The following SLC35A3 variants were observed in gnomAD, a reference collection of about 807,000 sequenced individuals.
SLC35A3 encodes solute carrier family 35 member A3.
In SLC35A3, 26 loss-of-function variants were observed where a neutral mutation model predicts 39.0. The ratio of observed to expected loss-of-function variants is 0.67; its 90% confidence interval spans 0.49 to 0.92. The LOEUF is 0.92. SLC35A3 is among the 40% of genes least tolerant of loss of function. SLC35A3 has a pLI of 0.00. For synonymous variants in SLC35A3, 135 were observed against 133.1 expected, an observed-to-expected ratio of 1.01 and a Z score of -0.10; for missense variants, 299 against 371.6, an observed-to-expected ratio of 0.80 and a Z score of 1.61.
intron 1 of SLC35A3, chr1:99,992,958 G>A (rs532693349): frequency 6.6e-6 from 1 of 152,552 alleles, no homozygotes; most frequent in African/African-American, 2.4e-5. Context: ...CTAGTGGGAG[G>A]GGGAAGGGCC....
intron 4 of SLC35A3, chr1:100,008,716 C>T (rs1659411515): frequency 6.6e-6 from 1 of 152,326 alleles, no homozygotes; most frequent in Admixed American, 6.5e-5. Flanking sequence ...TAAAGTCTGC[C>T]TCTACCAGAA....
At chr1:99,989,241 TCA>T (rs1286952107) in intron 1 of SLC35A3, among the ~76,000 whole-genome samples, 7 of 152,204 alleles carry the variant, frequency 4.6e-5, no homozygotes, top group Non-Finnish European at 8.8e-5. Context: ...TGCCTATTAG[TCA>T]CTCATTTGTC....
chr1:99,995,108 C>CTTTCTTTCTTTA (rs769834567), intron 2 of SLC35A3, among the ~76,000 whole-genome samples: 4 of 37,746 alleles, frequency 1.1e-4, no homozygotes, highest in Non-Finnish European at 2.5e-4. Flanking sequence ...TGTGTATTTT[C>CTTTCTTTCTTTA]TTTCTTTCTT....
chr1:99,970,567 G>A (rs1443172249), intron 1 of SLC35A3: 1 of 1,536,052 alleles, frequency 6.5e-7, no homozygotes, highest in Non-Finnish European at 8.7e-7. Flanking sequence ...GAGCCCTGTG[G>A]TAGGCACAGA....
chr1:100,006,979 A>G lies in SLC35A3; in HGVS notation c.343-55A>G. 5.2e-6 allele frequency: 8 copies of G among 1,530,000 alleles called. No homozygotes were observed. In the South Asian group the frequency reaches 9.9e-5, roughly 19 times the overall value. The allele number at this position is 1,530,000 out of a possible 1,614,324, so 94.8% of individuals were successfully genotyped here. A position where few individuals can be genotyped will look rare whatever the true frequency, so the allele number is the denominator to read the frequency against. On this transcript the variant is annotated intron_variant, in intron 3 of 7. Coordinates refer to ENST00000533028, the MANE Select transcript of SLC35A3 (RefSeq NM_012243.3). Reference sequence around the variant, plus strand: ...AAATACATTTCTAATAGTACTCTTAAGGAACAAACAAACAAACAAACGAAC... The same window carrying G: ...AAATACATTTCTAATAGTACTCTTAGGGAACAAACAAACAAACAAACGAAC...
Position 100,033,435 on chromosome 1 carries a change from A to T in SLC35A3, c.*10959A>T, listed in dbSNP as rs1293029665. 6.6e-6 allele frequency: 1 copy of T among 152,110 alleles called. No individual in the cohort carries two copies. Among genetic ancestry groups the T allele is most frequent in the Admixed American group, 6.5e-5 (1 of 15,278 alleles). The allele number at this position is 152,110 out of a possible 1,614,324, so 9.4% of individuals were successfully genotyped here. ...TCCATCTCTTATAAGTAATTATTAT[A>T]AGTATTTTCTTAGTTTTCCAATTTA... On this transcript the variant is annotated 3_prime_UTR_variant, in exon 8 of 8. Transcript: ENST00000533028.
At position 100,022,369 on chromosome 1, in the gene SLC35A3, G is replaced by T; in HGVS notation, c.888-17G>T. The T allele has an allele frequency of 2.3e-6, 3 of 1,323,992 alleles. No individual in the cohort carries two copies. The highest frequency in any genetic ancestry group is 1.9e-5 in the Admixed American group (1 of 53,234). The allele number at this position is 1,323,992 out of a possible 1,614,324, so 82.0% of individuals were successfully genotyped here. On this transcript the variant is annotated splice_polypyrimidine_tract_variant and intron_variant, in intron 7 of 7. Coordinates refer to ENST00000533028, the MANE Select transcript of SLC35A3 (RefSeq NM_012243.3). ...AATCTGATTTTCTCTTTTTTATTTTGTCTTCATCTTATTCAGTGTCTTTTT... is the reference window on the plus strand; with the variant it reads ...AATCTGATTTTCTCTTTTTTATTTTTTCTTCATCTTATTCAGTGTCTTTTT...
intron 1 of SLC35A3, among the ~76,000 whole-genome samples, chr1:99,991,305 C>T (rs977355084): frequency 7.2e-5 from 11 of 152,092 alleles, no homozygotes; most frequent in South Asian, 4.1e-4. Context: ...CCACCATGCC[C>T]GGCTAATTTT....
chr1:100,024,984 T>C lies in SLC35A3; in HGVS notation c.*2508T>C. The C allele has an allele frequency of 3.3e-6, 1 of 302,816 alleles. No homozygotes were observed. The highest frequency in any genetic ancestry group is 6.0e-6 in the Non-Finnish European group (1 of 167,318). 18.8% of individuals were successfully genotyped at this position (302,816 alleles called of 1,614,324 possible). ...AATAGTCTACAGATTGCAGGTCTCA[T>C]CAATTCCATCCAAAGTTTAAAAGCA... On this transcript the variant is annotated 3_prime_UTR_variant, in exon 8 of 8. Coordinates refer to ENST00000533028, the MANE Select transcript of SLC35A3 (RefSeq NM_012243.3).
In SLC35A3 at chr1:100,022,450, C is replaced by A; in HGVS notation, c.952C>A (p.Pro318Thr). Residue 318 changes from proline to threonine, a missense_variant, in exon 8 of 8, where the codon CCT becomes ACT. Transcript: ENST00000533028. The stretch of plus-strand genomic sequence containing the variant: ...TTTTTTGTATGGTTATGATCCCAAA[C>A]CTGCAGGAAATCCCACTAAAGCATA... ...ATFLYGYDPK[P>T]AGNPTKA 6.2e-7 allele frequency: 1 copy of A among 1,603,324 alleles called. No homozygotes were observed. Among genetic ancestry groups the A allele is most frequent in the South Asian group, 1.1e-5 (1 of 90,240 alleles).
chr1:100,005,398 A>G (rs1407419488), intron 3 of SLC35A3, among the ~76,000 whole-genome samples: 3 of 152,238 alleles, frequency 2.0e-5, no homozygotes, highest in African/African-American at 7.2e-5. Context: ...GTTTTTCCCC[A>G]CAACTAACAT....
At chr1:99,974,104 T>C (rs1656973329) in intron 1 of SLC35A3, among the ~76,000 whole-genome samples, 1 of 151,910 alleles carries the variant, frequency 6.6e-6, no homozygotes, top group Non-Finnish European at 1.5e-5. Flanking sequence ...AGTATCTACA[T>C]AGGACTTTAT....
rs1557853327 is a variant in SLC35A3 at position 100,026,325 on chromosome 1, T to C, written c.*3849T>C. 1.3e-5 allele frequency: 2 copies of C among 152,254 alleles called. No homozygotes were observed. The highest frequency in any genetic ancestry group is 2.1e-4 in the South Asian group (1 of 4,828). 9.4% of individuals were successfully genotyped at this position (152,254 alleles called of 1,614,324 possible). A position where few individuals can be genotyped will look rare whatever the true frequency, so the allele number is the denominator to read the frequency against. On this transcript the variant is annotated 3_prime_UTR_variant, in exon 8 of 8. Transcript: ENST00000533028. ...ATAAAAAAGGTTTATAAAAGTTATTTATGCTATATTGAAAGTCATCTTAAG... is the reference window on the plus strand; with the variant it reads ...ATAAAAAAGGTTTATAAAAGTTATTCATGCTATATTGAAAGTCATCTTAAG...
chr1:100,022,095 G>C (rs578132730), intron 7 of SLC35A3, among the ~76,000 whole-genome samples: 1 of 152,324 alleles, frequency 6.6e-6, no homozygotes, highest in South Asian at 2.1e-4. Flanking sequence ...TGATCCTCTT[G>C]AAGTTGTGGG....
chr1:100,022,117 G>A (rs1041740022), intron 7 of SLC35A3, among the ~76,000 whole-genome samples: 5 of 151,928 alleles, frequency 3.3e-5, no homozygotes, highest in African/African-American at 1.2e-4. Flanking sequence ...CTTTAGACAA[G>A]TTATTTAAAT....
Position 100,006,504 on chromosome 1 carries a change from C to T in SLC35A3, c.343-530C>T, listed in dbSNP as rs561011989. Among the ~76,000 whole-genome samples, 29 of 152,090 alleles carry T rather than the reference C, an allele frequency of 1.9e-4. No individual in the cohort carries two copies. In the South Asian group the frequency reaches 5.6e-3, roughly 29 times the overall value. On this transcript the variant is annotated intron_variant, in intron 3 of 7. Transcript: ENST00000533028. Reference sequence around the variant, plus strand: ...GGCTGAGCAATCCAATTTTCAGGCCCCAGTTTGTGTGCATGGGTGGGTGCC... The same window carrying T: ...GGCTGAGCAATCCAATTTTCAGGCCTCAGTTTGTGTGCATGGGTGGGTGCC...
rs1660721247 is a variant in SLC35A3 at position 100,023,979 on chromosome 1, C to T, written c.*1503C>T. The T allele has an allele frequency of 6.6e-6, 1 of 151,378 alleles. No individual in the cohort carries two copies. The highest frequency in any genetic ancestry group is 2.1e-4 in the South Asian group (1 of 4,768). 9.4% of individuals were successfully genotyped at this position (151,378 alleles called of 1,614,324 possible). A position where few individuals can be genotyped will look rare whatever the true frequency, so the allele number is the denominator to read the frequency against. Reference sequence around the variant, plus strand: ...TGGAGATCACGCCACTGCACTCCAACCTGGGCGACACAGTGAGAGTCTGTC... The same window carrying T: ...TGGAGATCACGCCACTGCACTCCAATCTGGGCGACACAGTGAGAGTCTGTC... On this transcript the variant is annotated 3_prime_UTR_variant, in exon 8 of 8. Transcript: ENST00000533028.
At chr1:99,984,833 T>G (rs1657657645) in intron 1 of SLC35A3, among the ~76,000 whole-genome samples, 1 of 152,216 alleles carries the variant, frequency 6.6e-6, no homozygotes, top group Non-Finnish European at 1.5e-5. Context: ...CCCTGATAAT[T>G]AGTGATATTG....
intron 1 of SLC35A3, among the ~76,000 whole-genome samples, chr1:99,991,508 T>G (rs1223053568): frequency 6.6e-6 from 1 of 152,202 alleles, no homozygotes; most frequent in Non-Finnish European, 1.5e-5. Context: ...CCTTTCAATT[T>G]TGTTTTTCTT....
Sources: gnomAD v4.1 joint callset for allele counts (sites outside exome capture counted in the v4.1 genomes callset) on GRCh38, gnomAD v4.1.1 for gene constraint, MANE v1.5 for transcripts, NCBI Gene and HGNC (gene_info 2026-07-23, HGNC 2026-07-21) for gene names.